The following RAP1A variants were observed in gnomAD, a reference collection of about 807,000 sequenced individuals.
RAP1A encodes the protein ras-related protein Rap-1A.
A neutral mutation model predicts 26.4 loss-of-function variants in RAP1A; 6 were observed. That is an observed-to-expected ratio of 0.23 (90% confidence interval 0.12 to 0.45). The LOEUF (loss-of-function observed/expected upper bound fraction) is 0.45, where lower values mean the gene tolerates loss of function less well. Ranked by LOEUF, RAP1A falls within the 20% of genes least tolerant of loss-of-function variation. The pLI is 0.99. For missense variants in RAP1A, 121 were observed against 217.2 expected (o/e 0.56, Z 2.78); for synonymous variants, 73 against 79.4 (o/e 0.92, Z 0.43).
At chr1:111,679,416 G>T (rs139209970) in intron 1 of RAP1A, among the ~76,000 whole-genome samples, 113 of 152,256 alleles carry the variant, frequency 7.4e-4, no homozygotes, top group African/African-American at 2.6e-3. Flanking sequence ...ATTCCATTGG[G>T]TCCCTACACC....
chr1:111,651,505 CT>C (rs1254135076), intron 1 of RAP1A, among the ~76,000 whole-genome samples: 1 of 128,246 alleles, frequency 7.8e-6, no homozygotes, highest in African/African-American at 2.9e-5. Flanking sequence ...TAGACAGAGT[CT>C]CGCTCTGTTA....
chr1:111,641,145 A>G (rs1028743459), intron 1 of RAP1A, among the ~76,000 whole-genome samples: 1 of 152,242 alleles, frequency 6.6e-6, no homozygotes, highest in Non-Finnish European at 1.5e-5. Context: ...ATATGCATAT[A>G]TAGAAATAAT....
At chr1:111,676,960 A>G (rs573455441) in intron 1 of RAP1A, among the ~76,000 whole-genome samples, 2 of 151,950 alleles carry the variant, frequency 1.3e-5, no homozygotes, top group South Asian at 2.1e-4. Flanking sequence ...CACCCAGCTA[A>G]TTTTTGTATT....
At chr1:111,666,773 C>A (rs1265857739) in intron 1 of RAP1A, among the ~76,000 whole-genome samples, 1 of 152,116 alleles carries the variant, frequency 6.6e-6, no homozygotes, top group East Asian at 1.9e-4. Context: ...AATACTTGTG[C>A]TCAGATCCAA....
chr1:111,567,141 C>T lies in RAP1A; in HGVS notation c.-28+24632C>T, dbSNP rs374266137. On this transcript the variant is annotated intron_variant, in intron 1 of 7. Transcript: ENST00000356415. ...TAGGCCCCGCCCTCAAGAAGTCCAC[C>T]ATTTAAAGCAGGAGATAGATAAATA... 6.7e-4 allele frequency among the ~76,000 whole-genome samples: 102 copies of T among 152,138 alleles called. 2 individuals are homozygous for T. The South Asian group carries it at 0.02, about 30-fold the overall frequency.
At chr1:111,555,100 T>C (rs1657428187) in intron 1 of RAP1A, among the ~76,000 whole-genome samples, 1 of 152,082 alleles carries the variant, frequency 6.6e-6, no homozygotes, top group South Asian at 2.1e-4. Context: ...GCACAGTGAC[T>C]CACACCTGTA....
At chr1:111,672,124 A>G (rs1265060667) in intron 1 of RAP1A, among the ~76,000 whole-genome samples, 4 of 152,064 alleles carry the variant, frequency 2.6e-5, no homozygotes, top group African/African-American at 9.7e-5. Flanking sequence ...TATCTGCTCA[A>G]ATCTTCTATA....
chr1:111,667,426 T>C (rs748045643), intron 1 of RAP1A, among the ~76,000 whole-genome samples: 4 of 152,246 alleles, frequency 2.6e-5, no homozygotes, highest in Non-Finnish European at 4.4e-5. Context: ...GGCTCACTCC[T>C]GTAATATCAG....
At chr1:111,585,837 C>CA (rs907826511) in intron 1 of RAP1A, among the ~76,000 whole-genome samples, 6 of 151,842 alleles carry the variant, frequency 4.0e-5, no homozygotes, top group Admixed American at 6.6e-5. Context: ...GTACTACTAA[C>CA]AAAAAAAAGA....
intron 1 of RAP1A, among the ~76,000 whole-genome samples, chr1:111,575,269 G>A (rs1658122385): frequency 6.6e-6 from 1 of 151,926 alleles, no homozygotes; most frequent in Non-Finnish European, 1.5e-5. Flanking sequence ...TGATTCTTGT[G>A]TCTAAAACCA....
chr1:111,631,893 G>A (rs1659578465), intron 1 of RAP1A, among the ~76,000 whole-genome samples: 1 of 144,786 alleles, frequency 6.9e-6, no homozygotes, highest in African/African-American at 2.6e-5. Flanking sequence ...AATTTGTAGA[G>A]TTTTTGGCTT....
chr1:111,659,133 C>T (rs1660554257), intron 1 of RAP1A, among the ~76,000 whole-genome samples: 1 of 152,112 alleles, frequency 6.6e-6, no homozygotes, highest in Non-Finnish European at 1.5e-5. Flanking sequence ...CAGTAGTCCC[C>T]ACTTACCCAT....
At chr1:111,547,871 C>T (rs938108977) in intron 1 of RAP1A, among the ~76,000 whole-genome samples, 9 of 152,210 alleles carry the variant, frequency 5.9e-5, no homozygotes, top group African/African-American at 1.7e-4. Context: ...TCTCTTAAAA[C>T]ACTCTCATAA....
chr1:111,640,979 C>A (rs1379157626), intron 1 of RAP1A, among the ~76,000 whole-genome samples: 2 of 151,968 alleles, frequency 1.3e-5, no homozygotes, highest in African/African-American at 4.8e-5. Flanking sequence ...ACAAAAAACA[C>A]CACTATTTTT....
intron 1 of RAP1A, among the ~76,000 whole-genome samples, chr1:111,596,915 G>A (rs746284400): frequency 6.6e-6 from 1 of 152,084 alleles, no homozygotes; most frequent in Non-Finnish European, 1.5e-5. Context: ...GGGGTTAGGG[G>A]GTCATAAACA....
chr1:111,670,725 C>T (rs983572762), intron 1 of RAP1A, among the ~76,000 whole-genome samples: 3 of 151,722 alleles, frequency 2.0e-5, no homozygotes, highest in South Asian at 2.1e-4. Flanking sequence ...ATAAACAATC[C>T]GAATGAAAAA....
chr1:111,631,256 C>A (rs549200807), intron 1 of RAP1A, among the ~76,000 whole-genome samples: 1 of 152,270 alleles, frequency 6.6e-6, no homozygotes, highest in Admixed American at 6.5e-5. Context: ...TTTTGATTAG[C>A]TTTTACTTAT....
chr1:111,664,185 C>G (rs1660719653), intron 1 of RAP1A, among the ~76,000 whole-genome samples: 1 of 151,954 alleles, frequency 6.6e-6, no homozygotes, highest in Non-Finnish European at 1.5e-5. Context: ...ACGAGCCTGG[C>G]CAGCACGGTA....
At chr1:111,587,271 CTCT>C (rs1338334389) in intron 1 of RAP1A, among the ~76,000 whole-genome samples, 1 of 152,172 alleles carries the variant, frequency 6.6e-6, no homozygotes, top group Non-Finnish European at 1.5e-5. Context: ...CTCACGCATT[CTCT>C]TTTTTTCCTT....
Sources: allele counts gnomAD v4.1 joint callset (sites outside exome capture counted in the v4.1 genomes callset), GRCh38; gene constraint gnomAD v4.1.1; transcripts MANE v1.5; gene names NCBI Gene and HGNC (gene_info 2026-07-23, HGNC 2026-07-21).